The following APBA1 variants were observed in gnomAD, a reference collection of about 807,000 sequenced individuals.
The protein encoded by APBA1 is amyloid-beta A4 precursor protein-binding family A member 1.
In APBA1, 55 loss-of-function variants were observed where a neutral mutation model predicts 86.6. The observed-to-expected ratio is 0.64, with a 90% CI of 0.51 to 0.80. The LOEUF is 0.80. Ranked by LOEUF, APBA1 falls within the 30% of genes least tolerant of loss-of-function variation. APBA1 has a pLI of 0.00. For synonymous variants in APBA1, 511 were observed against 493.9 expected (o/e 1.03, Z -0.46); for missense variants, 1,090 against 1,183.0 (o/e 0.92, Z 1.15).
At chr9:69,462,952 G>A (rs568893554) in intron 5 of APBA1, 1 of 152,262 alleles carries the variant, frequency 6.6e-6, no homozygotes, top group South Asian at 2.1e-4. Context: ...CTGGTCCAGG[G>A]ATCATGCTTT....
intron 11 of APBA1, among the ~76,000 whole-genome samples, chr9:69,436,468 G>A (rs902533425): frequency 1.3e-5 from 2 of 151,900 alleles, no homozygotes; most frequent in African/African-American, 4.8e-5. Flanking sequence ...GCAGTGGTTT[G>A]TAGTTCTCCT....
intron 1 of APBA1, among the ~76,000 whole-genome samples, chr9:69,564,308 A>G (rs1353657990): frequency 1.3e-5 from 2 of 152,226 alleles, no homozygotes; most frequent in Non-Finnish European, 2.9e-5. Context: ...CTTTATGAAT[A>G]TTAATGTAGT....
chr9:69,512,585 C>T (rs1017481009), intron 2 of APBA1, among the ~76,000 whole-genome samples: 4 of 152,110 alleles, frequency 2.6e-5, no homozygotes, highest in East Asian at 1.9e-4. Flanking sequence ...CAGTGAGATA[C>T]CTCTTTTTGT....
intron 2 of APBA1, among the ~76,000 whole-genome samples, chr9:69,515,688 A>C (rs1836124451): frequency 6.9e-5 from 1 of 14,426 alleles, no homozygotes; most frequent in African/African-American, 2.4e-4. Context: ...TGAATCAGAA[A>C]CTGGGGGGGG....
intron 1 of APBA1, among the ~76,000 whole-genome samples, chr9:69,654,933 T>C (rs929390614): frequency 4.6e-5 from 7 of 152,168 alleles, no homozygotes; most frequent in African/African-American, 9.7e-5. Flanking sequence ...ATACGTCACA[T>C]TAACAGAATC....
At chr9:69,475,994 T>A (rs543855325) in intron 3 of APBA1, 54 bp downstream of exon 3, 1 of 1,413,468 alleles carries the variant, frequency 7.1e-7, no homozygotes, top group Admixed American at 1.7e-5. Context: ...CACAGAACAG[T>A]ATTAGAGTAA....
In APBA1 at chr9:69,517,273, C is replaced by T. The variant is rs1239947913; in HGVS notation, c.-63G>A. On this transcript the variant is annotated 5_prime_UTR_variant, in exon 2 of 13. Coordinates refer to ENST00000265381, the MANE Select transcript of APBA1 (RefSeq NM_001163.4). Reference sequence around the variant, plus strand: ...GGCTCACTGCGCTCTCATTTTGCTCCACTGGGCTGGAAAAACAAGAAGGGG... The same window carrying T: ...GGCTCACTGCGCTCTCATTTTGCTCTACTGGGCTGGAAAAACAAGAAGGGG... 2.1e-6 allele frequency: 3 copies of T among 1,410,878 alleles called. No individual in the cohort carries two copies. Among genetic ancestry groups the T allele is most frequent in the East Asian group, 2.7e-5 (1 of 36,490 alleles). The allele number at this position is 1,410,878 out of a possible 1,614,324, so 87.4% of individuals were successfully genotyped here.
At chr9:69,471,147 G>A (rs1835360297) in intron 4 of APBA1, among the ~76,000 whole-genome samples, 2 of 152,148 alleles carry the variant, frequency 1.3e-5, no homozygotes, top group South Asian at 4.1e-4. Flanking sequence ...GATTCAATTA[G>A]TTATTACATG....
chr9:69,529,318 C>T (rs1836389073), intron 1 of APBA1, among the ~76,000 whole-genome samples: 2 of 152,068 alleles, frequency 1.3e-5, no homozygotes, highest in African/African-American at 4.8e-5. Flanking sequence ...ATCCACTAAG[C>T]AACTATTAGG....
intron 8 of APBA1, 107 bp downstream of exon 8, chr9:69,456,140 A>C: frequency 4.8e-5 from 56 of 1,162,176 alleles, no homozygotes; most frequent in Non-Finnish European, 6.6e-5. Flanking sequence ...GACACACAGT[A>C]CGTGCACAAT....
chr9:69,606,062 C>T (rs1822463534), intron 1 of APBA1, among the ~76,000 whole-genome samples: 1 of 152,202 alleles, frequency 6.6e-6, no homozygotes, highest in African/African-American at 2.4e-5. Context: ...AATATACACA[C>T]AAAAAGAATC....
chr9:69,515,899 C>A, intron 2 of APBA1, 112 bp downstream of exon 2: 1 of 1,186,816 alleles, frequency 8.4e-7, no homozygotes, highest in Non-Finnish European at 1.2e-6. Context: ...TTCTTAGCGT[C>A]CCCACAGACT....
At chr9:69,624,070 C>T (rs1051944649) in intron 1 of APBA1, among the ~76,000 whole-genome samples, 1 of 152,120 alleles carries the variant, frequency 6.6e-6, no homozygotes, top group Non-Finnish European at 1.5e-5. Flanking sequence ...TGGCAAATTG[C>T]TTCTGAGGAT....
intron 1 of APBA1, among the ~76,000 whole-genome samples, chr9:69,580,768 G>A (rs1184220581): frequency 6.6e-6 from 1 of 152,146 alleles, no homozygotes; most frequent in Non-Finnish European, 1.5e-5. Context: ...ACAGAATCCT[G>A]TGGCTATATA....
At chr9:69,552,470 TACCCCCATGGAGGATTTTAACAA>T (rs1836801258) in intron 1 of APBA1, among the ~76,000 whole-genome samples, 1 of 152,208 alleles carries the variant, frequency 6.6e-6, no homozygotes, top group Admixed American at 6.5e-5. Flanking sequence ...ATTCCCCCAC[TACCCCCATGGAGGATTTTAACAA>T]ACCCAAGCTG....
rs544502412 is a variant in APBA1, at chr9:69,571,309, T to C, written c.-69-54030A>G. The stretch of plus-strand genomic sequence containing the variant: ...GTGCCAGTTCTACACCGCTGTATCA[T>C]AAAAGTCTATCCAGTATTTTTGATC... On this transcript the variant is annotated intron_variant, in intron 1 of 12. Coordinates refer to ENST00000265381, the MANE Select transcript of APBA1 (RefSeq NM_001163.4). Among the ~76,000 whole-genome samples the C allele has an allele frequency of 3.3e-5, 5 of 152,360 alleles. No individual in the cohort carries two copies. In the South Asian group the frequency reaches 1.0e-3, roughly 32 times the overall value.
chr9:69,660,953 G>A (rs1823741886), intron 1 of APBA1, among the ~76,000 whole-genome samples: 1 of 152,160 alleles, frequency 6.6e-6, no homozygotes, highest in African/African-American at 2.4e-5. Flanking sequence ...GTAAACTGAG[G>A]TCCGTGGGAC....
intron 5 of APBA1, among the ~76,000 whole-genome samples, chr9:69,466,073 C>A (rs17081847): frequency 0.01 from 1,597 of 152,276 alleles, 37 homozygotes; most frequent in African/African-American, 0.036. Flanking sequence ...AAAGTTACGG[C>A]ATGGGCTTTA....
At chr9:69,442,125 C>G (rs114203913) in intron 10 of APBA1, among the ~76,000 whole-genome samples, 2,368 of 152,270 alleles carry the variant, frequency 0.016, 58 homozygotes, top group African/African-American at 0.054. Flanking sequence ...GGAACTCAGC[C>G]CTGAAACAAA....
Sources: gnomAD v4.1 joint callset for allele counts (sites outside exome capture counted in the v4.1 genomes callset) on GRCh38, gnomAD v4.1.1 for gene constraint, MANE v1.5 for transcripts, NCBI Gene and HGNC (gene_info 2026-07-23, HGNC 2026-07-21) for gene names.